ZNF106: variants seen among roughly 807,000 people sequenced by gnomAD.
The protein encoded by ZNF106 is zinc finger protein 106.
In ZNF106, 67 loss-of-function variants were observed where a neutral mutation model predicts 195.1. The ratio of observed to expected loss-of-function variants is 0.34; its 90% confidence interval spans 0.28 to 0.42. ZNF106 has a LOEUF of 0.42. Among genes scored for constraint, ZNF106 ranks in the 10% least tolerant of loss-of-function variants. The pLI, the probability that ZNF106 is intolerant of heterozygous loss-of-function variation, is 1.00. For missense variants in ZNF106, 2,118 were observed against 2,304.5 expected (o/e 0.92, Z 1.66); for synonymous variants, 784 against 818.6 (o/e 0.96, Z 0.72).
At chr15:42,467,374 G>A (rs548452416) in intron 2 of ZNF106, among the ~76,000 whole-genome samples, 2 of 152,302 alleles carry the variant, frequency 1.3e-5, no homozygotes, top group East Asian at 1.9e-4. Flanking sequence ...AAATACTGCC[G>A]AGGGAGTATG....
intron 11 of ZNF106, 58 bp from the exon 12 acceptor site, chr15:42,438,725 A>C (rs1447003312): frequency 1.3e-6 from 2 of 1,533,692 alleles, no homozygotes; most frequent in Non-Finnish European, 1.8e-6. Flanking sequence ...AGGTAGTAAA[A>C]GTAAAAATTT....
rs143970729 is a variant in ZNF106 at position 42,439,095 on chromosome 15, C to A, written c.4482G>T (p.Gly1494=). 2.5e-6 allele frequency: 4 copies of A among 1,614,072 alleles called. No individual in the cohort carries two copies. Among genetic ancestry groups the A allele is most frequent in the African/African-American group, 1.3e-5 (1 of 74,918 alleles). The change falls in exon 11 of 22, where the codon GGG becomes GGT. Residue 1494 remains glycine (G), a synonymous_variant. Coordinates refer to ENST00000564754, the MANE Select transcript of ZNF106 (RefSeq NM_001366845.3). ...CACTGGTAGAGCTAACTTCATCACA[C>A]CCAGAACGAGACGTTTCTAGTGGGT... ...EQNPLETSRS[G]CDEVSSTSEI...
In ZNF106 at chr15:42,451,397, T is replaced by C; in HGVS notation, c.875A>G (p.Lys292Arg). The change falls in exon 5 of 22, where the codon AAG (lysine) becomes AGG (arginine). Residue 292 changes from lysine to arginine, a missense_variant. Physicochemically the swap from Lys to Arg is conservative, Grantham distance 26. Transcript: ENST00000564754. ...MTMLWNKKSNKSNKYSHDRYN... is the reference protein window; with the variant it reads ...MTMLWNKKSNRSNKYSHDRYN... The stretch of plus-strand genomic sequence containing the variant: ...TCTGTCGTGACTGTATTTGTTTGAC[T>C]TATTAGATTTCTTGTTCCATAGCAT... The C allele has an allele frequency of 6.2e-7, 1 of 1,614,224 alleles. No individual in the cohort carries two copies. Among genetic ancestry groups the C allele is most frequent in the Non-Finnish European group, 8.5e-7 (1 of 1,180,034 alleles).
chr15:42,462,295 A>G (rs1211468736), intron 3 of ZNF106, among the ~76,000 whole-genome samples: 1 of 152,196 alleles, frequency 6.6e-6, no homozygotes, highest in Non-Finnish European at 1.5e-5. Flanking sequence ...CAAAATGTGT[A>G]TCTATAAATA....
chr15:42,422,027 T>C lies in ZNF106; in HGVS notation c.5374-39A>G, dbSNP rs753404032. 1.4e-5 allele frequency: 21 copies of C among 1,540,894 alleles called. No homozygotes were observed. The South Asian group carries it at 1.8e-4, about 13-fold the overall frequency. ...AAAAAAAGAGAATTGAAGTTATTTA[T>C]ACCTTGCGTTTAATAAGTACAGTCC... On this transcript the variant is annotated intron_variant, in intron 18 of 21. Coordinates refer to ENST00000564754, the MANE Select transcript of ZNF106 (RefSeq NM_001366845.3).
At chr15:42,424,228 C>T in intron 16 of ZNF106, 168 bp from the exon 17 acceptor site, 1 of 585,790 alleles carries the variant, frequency 1.7e-6, no homozygotes, top group South Asian at 2.3e-5. Flanking sequence ...ACTTACACCC[C>T]CCTACCAAGC....
chr15:42,469,281 T>C (rs921165773), intron 2 of ZNF106, among the ~76,000 whole-genome samples: 3 of 152,216 alleles, frequency 2.0e-5, no homozygotes, highest in Non-Finnish European at 4.4e-5. Flanking sequence ...TCCCCTTTAC[T>C]TGAGCTAAAT....
intron 6 of ZNF106, 121 bp from the exon 7 acceptor site, chr15:42,446,779 C>A (rs1439424137): frequency 2.3e-6 from 2 of 852,686 alleles, no homozygotes; most frequent in Non-Finnish European, 3.6e-6. Context: ...CCATCTCTAA[C>A]ATGATCGTAG....
intron 3 of ZNF106, among the ~76,000 whole-genome samples, 199 bp downstream of exon 3, chr15:42,465,854 T>C (rs1420624339): frequency 6.6e-6 from 1 of 152,238 alleles, no homozygotes; most frequent in Non-Finnish European, 1.5e-5. Flanking sequence ...TTCACACATT[T>C]GAGATGCCCA....
chr15:42,480,981 G>A lies in ZNF106; in HGVS notation c.-32-8660C>T, dbSNP rs900733141. Among the ~76,000 whole-genome samples the A allele has an allele frequency of 5.3e-5, 8 of 152,024 alleles. No individual in the cohort carries two copies. The South Asian group carries it at 6.2e-4, about 12-fold the overall frequency. ...GCCTGAATGACAAGAATGAAACTCT[G>A]TCTCAAAATAAAAAAAGTACCACTA... On this transcript the variant is annotated intron_variant, in intron 1 of 21. Transcript: ENST00000564754.
intron 14 of ZNF106, 83 bp from the exon 15 acceptor site, chr15:42,428,217 T>A: frequency 1.8e-6 from 2 of 1,100,390 alleles, no homozygotes; most frequent in Non-Finnish European, 1.3e-6. Flanking sequence ...AAGCAGACTT[T>A]AAAATGACTC....
intron 8 of ZNF106, 104 bp from the exon 9 acceptor site, chr15:42,444,366 G>T: frequency 2.3e-6 from 2 of 858,948 alleles, no homozygotes; most frequent in Non-Finnish European, 3.7e-6. Flanking sequence ...AGAGTGTCTT[G>T]ACTGCTCTGT....
At chr15:42,486,869 G>C (rs1355935275) in intron 1 of ZNF106, among the ~76,000 whole-genome samples, 1 of 151,846 alleles carries the variant, frequency 6.6e-6, no homozygotes, top group African/African-American at 2.4e-5. Context: ...TAATTTTTTT[G>C]GCCAGGCACA....
chr15:42,484,114 T>G (rs575077273), intron 1 of ZNF106, among the ~76,000 whole-genome samples: 2 of 152,360 alleles, frequency 1.3e-5, no homozygotes, highest in South Asian at 2.1e-4. Context: ...GAAGGCTTAT[T>G]ATAACAATCC....
At chr15:42,443,623 G>C (rs1225847553) in intron 9 of ZNF106, among the ~76,000 whole-genome samples, 1 of 151,902 alleles carries the variant, frequency 6.6e-6, no homozygotes, top group African/African-American at 2.4e-5. Flanking sequence ...CCAGCTACTG[G>C]GGGGAGTGAG....
At chr15:42,427,355 G>A (rs753292295) in intron 15 of ZNF106, among the ~76,000 whole-genome samples, 1 of 152,130 alleles carries the variant, frequency 6.6e-6, no homozygotes, top group Non-Finnish European at 1.5e-5. Flanking sequence ...AAAGCACACA[G>A]GGCCATCAAA....
chr15:42,415,490 C>T lies in ZNF106; in HGVS notation c.*1814G>A, dbSNP rs2054417533. ...CTGGAGCCTTTCCTGGAAAAAAGAA[C>T]ACATACTCAGTCTCACACACAATTT... On this transcript the variant is annotated 3_prime_UTR_variant, in exon 22 of 22. Transcript: ENST00000564754. The T allele has an allele frequency of 4.4e-6, 2 of 455,422 alleles. No homozygotes were observed. Among genetic ancestry groups the T allele is most frequent in the African/African-American group, 4.0e-5 (2 of 50,034 alleles). The allele number at this position is 455,422 out of a possible 1,614,324, so 28.2% of individuals were successfully genotyped here.
rs546912849 is a variant in ZNF106, at chr15:42,415,122, CTTTTT to C, written c.*2177_*2181del. 8 of 161,706 alleles carry C rather than the reference CTTTTT, an allele frequency of 4.9e-5. No individual in the cohort carries two copies. Among genetic ancestry groups the C allele is most frequent in the Admixed American group, 2.7e-4 (4 of 14,658 alleles). 10.0% of individuals were successfully genotyped at this position (161,706 alleles called of 1,614,324 possible). A position where few individuals can be genotyped will look rare whatever the true frequency, so the allele number is the denominator to read the frequency against. ...CCATTCATTATCTCCTAGATTAACT[CTTTTT>C]TTTTTTTTTTTGAGGTGGAGTTTCA... On this transcript the variant is annotated 3_prime_UTR_variant, in exon 22 of 22. Transcript: ENST00000564754.
At chr15:42,477,492 C>T (rs777326736) in intron 1 of ZNF106, among the ~76,000 whole-genome samples, 1 of 152,204 alleles carries the variant, frequency 6.6e-6, no homozygotes, top group Non-Finnish European at 1.5e-5. Flanking sequence ...GTCAGTAGCT[C>T]ACGTCTGTAA....
Sources: gnomAD v4.1 joint callset for allele counts (sites outside exome capture counted in the v4.1 genomes callset) on GRCh38, gnomAD v4.1.1 for gene constraint, MANE v1.5 for transcripts, NCBI Gene and HGNC (gene_info 2026-07-23, HGNC 2026-07-21) for gene names.